Variants in TOPBP1 observed in about 807,000 individuals in gnomAD.
TOPBP1 encodes the protein DNA topoisomerase II binding protein 1.
In TOPBP1, 28 loss-of-function variants were observed where a neutral mutation model predicts 167.7. The observed-to-expected ratio is 0.17, with a 90% CI of 0.12 to 0.23. The LOEUF is 0.23. TOPBP1 is among the 10% of genes least tolerant of loss of function. The pLI is 1.00. For synonymous variants in TOPBP1, 598 were observed against 611.4 expected (o/e 0.98, Z 0.32); for missense variants, 1,554 against 1,809.6 (o/e 0.86, Z 2.56).
intron 8 of TOPBP1, among the ~76,000 whole-genome samples, chr3:133,650,537 G>A (rs1049315465): frequency 1.3e-5 from 2 of 151,826 alleles, no homozygotes; most frequent in African/African-American, 2.4e-5. Context: ...AATGCTTTGA[G>A]GATAACATGT....
rs1042905396 is a variant in TOPBP1 at position 133,600,925 on chromosome 3, C to G, written c.*325G>C. 6.7e-5 allele frequency: 11 copies of G among 165,166 alleles called. No individual in the cohort carries two copies. The highest frequency in any genetic ancestry group is 1.9e-4 in the Admixed American group (3 of 15,460). The allele number at this position is 165,166 out of a possible 1,614,324, so 10.2% of individuals were successfully genotyped here. A position where few individuals can be genotyped will look rare whatever the true frequency, so the allele number is the denominator to read the frequency against. ...GACATTTTAAAGCAAAATCCATTAC[C>G]TTGCTAAAATTTCCACTAAGCTACA... On this transcript the variant is annotated 3_prime_UTR_variant, in exon 28 of 28. Coordinates refer to ENST00000260810, the MANE Select transcript of TOPBP1 (RefSeq NM_007027.4).
Position 133,637,958 on chromosome 3 carries a change from T to C in TOPBP1, c.2438A>G (p.Gln813Arg), listed in dbSNP as rs1322599984. Reference protein sequence around the residue: ...AASPAVGQPLQKEPSLHLDTP... With the variant: ...AASPAVGQPLRKEPSLHLDTP... The stretch of plus-strand genomic sequence containing the variant: ...ATCCAGGTGTAACGAGGGCTCCTTC[T>C]GAAGTGGTTGTCCTACTGCTGGGGA... Residue 813 changes from glutamine (Q) to arginine (R), a missense_variant, in exon 14 of 28, where the codon CAG becomes CGG. Transcript: ENST00000260810. 1 of 1,613,910 alleles carries C rather than the reference T, an allele frequency of 6.2e-7. No homozygotes were observed. The highest frequency in any genetic ancestry group is 8.5e-7 in the Non-Finnish European group (1 of 1,179,882).
Position 133,654,726 on chromosome 3 carries a change from T to C in TOPBP1, c.742+564A>G, listed in dbSNP as rs575709847. On this transcript the variant is annotated intron_variant, in intron 6 of 27. Transcript: ENST00000260810. Reference sequence around the variant, plus strand: ...TGTAACACCAAACTTAATAGCAATTTTAAAGAATTTTTCTTGTTCGTAATG... The same window carrying C: ...TGTAACACCAAACTTAATAGCAATTCTAAAGAATTTTTCTTGTTCGTAATG... Among the ~76,000 whole-genome samples, 107 of 152,350 alleles carry C rather than the reference T, an allele frequency of 7.0e-4. 1 individual carries two copies. Among genetic ancestry groups the C allele is most frequent in the Non-Finnish European group, 1.4e-3 (97 of 68,040 alleles).
intron 25 of TOPBP1, among the ~76,000 whole-genome samples, chr3:133,609,495 T>C (rs1384374640): frequency 6.6e-6 from 1 of 152,220 alleles, no homozygotes; most frequent in Non-Finnish European, 1.5e-5. Flanking sequence ...ATGGTTTGGC[T>C]GTGTCCCCAC....
intron 12 of TOPBP1, among the ~76,000 whole-genome samples, chr3:133,641,107 C>A (rs1042864007): frequency 6.6e-6 from 1 of 151,790 alleles, no homozygotes; most frequent in African/African-American, 2.4e-5. Flanking sequence ...TTGTGTTTAT[C>A]TTAGTACTTT....
At position 133,612,558 on chromosome 3, in the gene TOPBP1, G is replaced by A. The variant is rs1392429336; in HGVS notation, c.3872-6C>T. 6.2e-7 allele frequency: 1 copy of A among 1,607,052 alleles called. No homozygotes were observed. The highest frequency in any genetic ancestry group is 1.3e-5 in the African/African-American group (1 of 74,708). ...CTTTTCTATCACCAATCCACCTTAA[G>A]CAGAGAAAAATGGATTGTACTTTAT... On this transcript the variant is annotated splice_region_variant and splice_polypyrimidine_tract_variant and intron_variant, in intron 23 of 27. Coordinates refer to ENST00000260810, the MANE Select transcript of TOPBP1 (RefSeq NM_007027.4).
chr3:133,627,742 A>G (rs576184403), intron 16 of TOPBP1, among the ~76,000 whole-genome samples: 3 of 152,188 alleles, frequency 2.0e-5, no homozygotes, highest in Non-Finnish European at 4.4e-5. Context: ...AGTACAGTCA[A>G]CTCAGGACTG....
chr3:133,657,684 TAA>T, intron 4 of TOPBP1, 112 bp downstream of exon 4: 1 of 874,394 alleles, frequency 1.1e-6, no homozygotes, highest in Non-Finnish European at 1.6e-6. Context: ...TGAACTTTGT[TAA>T]AAGTCACGAA....
rs117083159 is a variant in TOPBP1, at chr3:133,638,394, T to C, written c.2234-232A>G. ...ACTTTCCAAGAAACAAACCAGATTA[T>C]GCATTAAATATATGTTGAGTTAGAC... On this transcript the variant is annotated intron_variant, in intron 13 of 27. Transcript: ENST00000260810. Among the ~76,000 whole-genome samples, 54 of 152,324 alleles carry C rather than the reference T, an allele frequency of 3.5e-4. 1 individual carries two copies. In the East Asian group the frequency reaches 0.01, roughly 28 times the overall value.
chr3:133,628,324 A>G, intron 16 of TOPBP1, 38 bp downstream of exon 16: 1 of 1,531,146 alleles, frequency 6.5e-7, no homozygotes, highest in South Asian at 1.2e-5. Context: ...TATAAATTTC[A>G]GTCATATCAC....
At chr3:133,658,832 A>C (rs1165269963) in intron 3 of TOPBP1, among the ~76,000 whole-genome samples, 184 bp downstream of exon 3, 1 of 152,132 alleles carries the variant, frequency 6.6e-6, no homozygotes, top group Non-Finnish European at 1.5e-5. Context: ...AAAACAAACA[A>C]ACAAACAAAA....
chr3:133,656,902 T>A, intron 4 of TOPBP1, 45 bp from the exon 5 acceptor site: 1 of 1,442,204 alleles, frequency 6.9e-7, no homozygotes, highest in Non-Finnish European at 9.1e-7. Flanking sequence ...GCAAACAATA[T>A]TGCTTCCACT....
At chr3:133,637,572 T>C (rs1048964083) in intron 14 of TOPBP1, among the ~76,000 whole-genome samples, 2 of 152,238 alleles carry the variant, frequency 1.3e-5, no homozygotes, top group African/African-American at 4.8e-5. Flanking sequence ...AAATATTATC[T>C]TCTTTGTATG....
chr3:133,616,841 C>G lies in TOPBP1; in HGVS notation c.3844G>C (p.Asp1282His), dbSNP rs1156859173. Residue 1282 changes from aspartate to histidine, a missense_variant, in exon 23 of 28, where the codon GAC (aspartate) becomes CAC (histidine). Asp to His is a moderately conservative substitution (Grantham distance 81). This residue lies in a region of TOPBP1 where 351 missense variants were observed against 432.9 expected (regional missense o/e 0.81). Coordinates refer to ENST00000260810, the MANE Select transcript of TOPBP1 (RefSeq NM_007027.4). ...LSSLNPQERIDYCHLIEKLGG... is the reference protein window; with the variant it reads ...LSSLNPQERIHYCHLIEKLGG... The stretch of plus-strand genomic sequence containing the variant: ...AGTTTCTCAATCAGATGACAATAGT[C>G]AATACGTTCTTGAGGATTCAGAGAT... 6.5e-7 allele frequency: 1 copy of G among 1,542,472 alleles called. No individual in the cohort carries two copies. Among genetic ancestry groups the G allele is most frequent in the Non-Finnish European group, 8.7e-7 (1 of 1,148,586 alleles).
In TOPBP1 at chr3:133,618,231, A is replaced by G. The variant is rs1411969207; in HGVS notation, c.3574T>C (p.Ser1192Pro). Residue 1192 changes from serine to proline, a missense_variant, in exon 21 of 28, where the codon TCA becomes CCA. This residue lies in a region of TOPBP1 where 351 missense variants were observed against 432.9 expected (regional missense o/e 0.81). Transcript: ENST00000260810. Reference protein sequence around the residue: ...DSPFQKPLHDSEIAKQAVCDP... With the variant: ...DSPFQKPLHDPEIAKQAVCDP... The stretch of plus-strand genomic sequence containing the variant: ...TTGTTACCCTGTTTAGCAATTTCTG[A>G]ATCATGTAAAGGCTTTTGAAAAGGA... 7 of 1,613,686 alleles carry G rather than the reference A, an allele frequency of 4.3e-6. No homozygotes were observed. The Admixed American group carries it at 1.0e-4, about 23-fold the overall frequency.
At position 133,637,929 on chromosome 3, in the gene TOPBP1, G is replaced by T; in HGVS notation, c.2467C>A (p.Pro823Thr). 1 of 1,613,908 alleles carries T rather than the reference G, an allele frequency of 6.2e-7. No homozygotes were observed. Among genetic ancestry groups the T allele is most frequent in the Admixed American group, 1.7e-5 (1 of 59,988 alleles). ...TTGTCCTTGGACAGGAATTTTGATG[G>T]TGTATCCAGGTGTAACGAGGGCTCC... Reference protein sequence around the residue: ...QKEPSLHLDTPSKFLSKDKLF... With the variant: ...QKEPSLHLDTTSKFLSKDKLF... Residue 823 changes from proline to threonine, a missense_variant, in exon 14 of 28, where the codon CCA becomes ACA. By Grantham distance (38) the Pro-to-Thr change is conservative. Around this residue, in one of 3 missense-constraint regions of TOPBP1, gnomAD observed 1,197 missense variants for 1,351.5 expected, o/e 0.89. Coordinates refer to ENST00000260810, the MANE Select transcript of TOPBP1 (RefSeq NM_007027.4).
intron 19 of TOPBP1, among the ~76,000 whole-genome samples, chr3:133,622,871 C>T (rs181362220): frequency 2.4e-4 from 37 of 152,262 alleles, no homozygotes; most frequent in Admixed American, 7.2e-4. Flanking sequence ...ACTTAATGAT[C>T]AGCATGGGAC....
rs1231366913 is a variant in TOPBP1 at position 133,638,163 on chromosome 3, C to T, written c.2234-1G>A. Reference sequence around the variant, plus strand: ...GTTATTTCTGTTTCCAAACTTCGTTCTAGAGATTTAAAATGAAAAGAAACA... The same window carrying T: ...GTTATTTCTGTTTCCAAACTTCGTTTTAGAGATTTAAAATGAAAAGAAACA... On this transcript the variant is annotated splice_acceptor_variant, in intron 13 of 27. Coordinates refer to ENST00000260810, the MANE Select transcript of TOPBP1 (RefSeq NM_007027.4). LOFTEE classifies it high-confidence loss of function. 1 of 1,611,450 alleles carries T rather than the reference C, an allele frequency of 6.2e-7. No individual in the cohort carries two copies. The highest frequency in any genetic ancestry group is 2.2e-5 in the East Asian group (1 of 44,840).
intron 14 of TOPBP1, among the ~76,000 whole-genome samples, chr3:133,636,283 T>G (rs1219447839): frequency 1.3e-5 from 2 of 152,158 alleles, no homozygotes; most frequent in African/African-American, 4.8e-5. Flanking sequence ...GTGAGTTTTT[T>G]TGAGGGGGGC....
Sources: gnomAD v4.1 joint callset for allele counts (sites outside exome capture counted in the v4.1 genomes callset) on GRCh38, gnomAD v4.1.1 for gene constraint, gnomAD v4.1.1 regional missense constraint, MANE v1.5 for transcripts, NCBI Gene and HGNC (gene_info 2026-07-23, HGNC 2026-07-21) for gene names.